NTN1: variants seen among roughly 807,000 people sequenced by gnomAD.
NTN1 encodes the protein netrin-1.
A neutral mutation model predicts 54.2 loss-of-function variants in NTN1; 11 were observed. The ratio of observed to expected loss-of-function variants is 0.20; its 90% CI spans 0.13 to 0.34. NTN1 has a LOEUF of 0.34. Ranked by LOEUF, NTN1 falls within the 10% of genes least tolerant of loss-of-function variation. The probability of loss-of-function intolerance (pLI) is 1.00; values close to 1 mark genes in which losing one functional copy is unlikely to be tolerated. For missense variants in NTN1, 740 were observed against 893.1 expected (o/e 0.83, Z 2.18); for synonymous variants, 371 against 382.0 (o/e 0.97, Z 0.33).
intron 6 of NTN1, among the ~76,000 whole-genome samples, chr17:9,235,649 GCT>G (rs1390656164): frequency 6.6e-6 from 1 of 152,158 alleles, no homozygotes; most frequent in Non-Finnish European, 1.5e-5. Flanking sequence ...GTGAGGGCTT[GCT>G]CTCTGCTTCA....
At chr17:9,115,648 C>T (rs1166268540) in intron 2 of NTN1, among the ~76,000 whole-genome samples, 2 of 152,264 alleles carry the variant, frequency 1.3e-5, no homozygotes, top group East Asian at 1.9e-4. Context: ...AGGCAAGAGC[C>T]GAGGTCTGTG....
chr17:9,177,757 C>T (rs1170986803), intron 3 of NTN1: 2 of 152,336 alleles, frequency 1.3e-5, no homozygotes, highest in Admixed American at 6.5e-5. Flanking sequence ...GAGACCCTCT[C>T]CAGCCTCCCC....
chr17:9,101,927 A>G (rs1462607452), intron 2 of NTN1, among the ~76,000 whole-genome samples: 1 of 152,212 alleles, frequency 6.6e-6, no homozygotes, highest in Admixed American at 6.5e-5. Flanking sequence ...AGGAGTTGGA[A>G]GCTGCAGTGA....
intron 5 of NTN1, among the ~76,000 whole-genome samples, chr17:9,202,697 C>T (rs7216396): frequency 0.12 from 18,235 of 152,126 alleles, 2,480 homozygotes; most frequent in African/African-American, 0.34. Flanking sequence ...GTGGAAATCT[C>T]TTCCAAATGT....
chr17:9,082,712 C>CTTT (rs574255075), intron 2 of NTN1, among the ~76,000 whole-genome samples: 2,298 of 141,114 alleles, frequency 0.016, 71 homozygotes, highest in African/African-American at 0.057. Flanking sequence ...AGTTTCTCGC[C>CTTT]TTTTTTTTTT....
intron 5 of NTN1, among the ~76,000 whole-genome samples, chr17:9,188,331 G>T (rs1904340205): frequency 6.6e-6 from 1 of 151,776 alleles, no homozygotes; most frequent in Non-Finnish European, 1.5e-5. Context: ...GGGAGGCTGA[G>T]GCAGGAGAAT....
intron 6 of NTN1, among the ~76,000 whole-genome samples, chr17:9,236,718 C>G (rs1038516739): frequency 4.6e-5 from 7 of 152,204 alleles, no homozygotes; most frequent in Non-Finnish European, 1.0e-4. Context: ...CCTCTGGACT[C>G]CCGGCAGCAA....
rs562694347 is a variant in NTN1 at position 9,106,702 on chromosome 17, C to T, written c.1019-56111C>T. ...CTAATTTTTGTATTTTTAGTAGAGA[C>T]GGGGGTTTCACCATGTTGGCCAGGC... On this transcript the variant is annotated intron_variant, in intron 2 of 6. Transcript: ENST00000173229. 9.9e-5 allele frequency among the ~76,000 whole-genome samples: 15 copies of T among 151,852 alleles called. No homozygotes were observed. The East Asian group carries it at 1.5e-3, about 16-fold the overall frequency.
chr17:9,200,788 T>A (rs1233260158), intron 5 of NTN1, among the ~76,000 whole-genome samples: 1 of 152,222 alleles, frequency 6.6e-6, no homozygotes, highest in Non-Finnish European at 1.5e-5. Flanking sequence ...AGTTTTATCC[T>A]CAAGGGACTG....
At chr17:9,141,144 T>C (rs2092296415) in intron 2 of NTN1, among the ~76,000 whole-genome samples, 1 of 151,466 alleles carries the variant, frequency 6.6e-6, no homozygotes, top group Non-Finnish European at 1.5e-5. Context: ...CGTCAGAAGC[T>C]CAAAGAAGAT....
At chr17:9,143,832 G>A (rs2092305224) in intron 2 of NTN1, among the ~76,000 whole-genome samples, 1 of 152,068 alleles carries the variant, frequency 6.6e-6, no homozygotes, top group South Asian at 2.1e-4. Flanking sequence ...AGAGGCCAAG[G>A]GTCTCCCTGG....
chr17:9,217,489 G>A (rs1905240426), intron 5 of NTN1, among the ~76,000 whole-genome samples: 4 of 152,168 alleles, frequency 2.6e-5, no homozygotes, highest in Admixed American at 2.6e-4. Context: ...CATTTTAAAG[G>A]TGTGGTTTGT....
intron 5 of NTN1, among the ~76,000 whole-genome samples, chr17:9,207,432 G>A (rs888052877): frequency 6.6e-6 from 1 of 152,156 alleles, no homozygotes; most frequent in Non-Finnish European, 1.5e-5. Context: ...ACATTTTTTA[G>A]TGCCTGTCAT....
At chr17:9,138,533 C>G (rs1012179509) in intron 2 of NTN1, among the ~76,000 whole-genome samples, 2 of 152,174 alleles carry the variant, frequency 1.3e-5, no homozygotes, top group African/African-American at 4.8e-5. Flanking sequence ...ACCAAGTGCC[C>G]TGCGTGGATG....
At chr17:9,136,399 C>A (rs966775500) in intron 2 of NTN1, among the ~76,000 whole-genome samples, 1 of 152,110 alleles carries the variant, frequency 6.6e-6, no homozygotes, top group Non-Finnish European at 1.5e-5. Context: ...CATGGTGAAA[C>A]CCCGTCTCTA....
At chr17:9,109,616 T>A (rs2092183103) in intron 2 of NTN1, among the ~76,000 whole-genome samples, 1 of 152,232 alleles carries the variant, frequency 6.6e-6, no homozygotes, top group Non-Finnish European at 1.5e-5. Context: ...CTCCTGGGGT[T>A]ATGAATGAGA....
upstream of NTN1, among the ~76,000 whole-genome samples, chr17:9,020,104 A>T (rs1211426547): frequency 6.6e-6 from 1 of 152,094 alleles, no homozygotes; most frequent in Admixed American, 6.5e-5. Context: ...TTCCAAGGAG[A>T]CGGAGCTGGG....
At chr17:9,154,465 C>T (rs1052651190) in intron 2 of NTN1, among the ~76,000 whole-genome samples, 2 of 152,204 alleles carry the variant, frequency 1.3e-5, no homozygotes, top group Non-Finnish European at 1.5e-5. Flanking sequence ...CCCAGCTCAC[C>T]TGTAGACACA....
Position 9,022,591 on chromosome 17 carries a change from C to G in NTN1, c.218C>G (p.Pro73Arg). The G allele has an allele frequency of 1.3e-6, 2 of 1,545,912 alleles. No individual in the cohort carries two copies. The highest frequency in any genetic ancestry group is 1.7e-6 in the Non-Finnish European group (2 of 1,145,970). Residue 73 changes from proline to arginine, a missense_variant, in exon 2 of 7, where the codon CCC becomes CGC. Physicochemically the swap from Pro to Arg is moderately radical, Grantham distance 103. Coordinates refer to ENST00000173229, the MANE Select transcript of NTN1 (RefSeq NM_004822.3). ...DVRVSSTCGRPPARYCVVSER... is the reference protein window; with the variant it reads ...DVRVSSTCGRRPARYCVVSER... ...CGCGTGTCCAGCACCTGCGGCCGGC[C>G]CCCGGCGCGCTACTGCGTGGTGAGC...
Sources: allele counts gnomAD v4.1 joint callset (sites outside exome capture counted in the v4.1 genomes callset), GRCh38; gene constraint gnomAD v4.1.1; transcripts MANE v1.5; gene names NCBI Gene and HGNC (gene_info 2026-07-23, HGNC 2026-07-21).